The following ALDH9A1 variants were observed in gnomAD, a reference collection of about 807,000 sequenced individuals.
The protein encoded by ALDH9A1 is aldehyde dehydrogenase 9 family member A1.
ALDH9A1 carries 42 observed loss-of-function variants against 56.6 expected under a neutral mutation model. The observed-to-expected ratio is 0.74, with a 90% CI of 0.58 to 0.96. The LOEUF is 0.96. Among genes scored for constraint, ALDH9A1 ranks in the 40% least tolerant of loss-of-function variants. The pLI is 0.00. For missense variants in ALDH9A1, 661 were observed against 651.5 expected (o/e 1.01, Z -0.16); for synonymous variants, 242 against 236.0 (o/e 1.03, Z -0.23).
intron 6 of ALDH9A1, among the ~76,000 whole-genome samples, chr1:165,676,129 T>G (rs902278675): frequency 6.6e-6 from 1 of 152,182 alleles, no homozygotes; most frequent in Non-Finnish European, 1.5e-5. Flanking sequence ...ACTAGATATG[T>G]GCACAGACAT....
At chr1:165,684,587 G>A (rs1205418711) in intron 2 of ALDH9A1, among the ~76,000 whole-genome samples, 1 of 152,118 alleles carries the variant, frequency 6.6e-6, no homozygotes, top group Non-Finnish European at 1.5e-5. Flanking sequence ...TTTTCCAAAG[G>A]TATAATCAAC....
chr1:165,696,193 G>A (rs1180117863), intron 1 of ALDH9A1, among the ~76,000 whole-genome samples: 4 of 152,040 alleles, frequency 2.6e-5, no homozygotes, highest in Non-Finnish European at 4.4e-5. Context: ...GACATTAGGA[G>A]TCTGATAAAA....
intron 4 of ALDH9A1, among the ~76,000 whole-genome samples, 195 bp from the exon 5 acceptor site, chr1:165,680,878 C>G (rs2101747503): frequency 6.6e-6 from 1 of 152,258 alleles, no homozygotes; most frequent in Admixed American, 6.5e-5. Context: ...AAACTGGGAA[C>G]AGAAAGAGGC....
chr1:165,663,666 G>A (rs1185299192), intron 10 of ALDH9A1, among the ~76,000 whole-genome samples: 1 of 152,218 alleles, frequency 6.6e-6, no homozygotes, highest in Non-Finnish European at 1.5e-5. Context: ...TGAGGTTACT[G>A]TGCTAAAAGG....
chr1:165,682,029 T>C (rs1649566824), intron 4 of ALDH9A1, 78 bp downstream of exon 4: 1 of 1,554,136 alleles, frequency 6.4e-7, no homozygotes, highest in East Asian at 2.2e-5. Flanking sequence ...TATAGAGAGG[T>C]GAAAGGTAGA....
intron 6 of ALDH9A1, chr1:165,671,686 C>T (rs1379055453): frequency 6.5e-6 from 3 of 463,978 alleles, no homozygotes; most frequent in Non-Finnish European, 1.3e-5. Context: ...TCCTCTCTCC[C>T]AACTGGAAAT....
At chr1:165,674,292 T>C (rs1649273354) in intron 6 of ALDH9A1, among the ~76,000 whole-genome samples, 1 of 137,978 alleles carries the variant, frequency 7.2e-6, no homozygotes, top group Non-Finnish European at 1.5e-5. Context: ...ATTCCTTTAC[T>C]TTCTTAATAA....
At chr1:165,664,950 T>C in intron 10 of ALDH9A1, 68 bp downstream of exon 10, 1 of 1,246,234 alleles carries the variant, frequency 8.0e-7, no homozygotes, top group Non-Finnish European at 1.2e-6. Flanking sequence ...GGAATACTGG[T>C]TTATAAGGTC....
intron 2 of ALDH9A1, among the ~76,000 whole-genome samples, chr1:165,683,771 G>A (rs1015198419): frequency 2.0e-5 from 3 of 152,106 alleles, no homozygotes; most frequent in African/African-American, 7.2e-5. Flanking sequence ...AACTTACTAA[G>A]GATAAAGAAA....
At chr1:165,669,171 T>C in intron 7 of ALDH9A1, 91 bp downstream of exon 7, 4 of 1,389,416 alleles carry the variant, frequency 2.9e-6, no homozygotes, top group Middle Eastern at 3.7e-4. Context: ...ATAATAGTCA[T>C]ACGAATATTA....
Position 165,679,527 on chromosome 1 carries a change from T to G in ALDH9A1, c.845A>C (p.Lys282Thr). 6.2e-7 allele frequency: 1 copy of G among 1,614,170 alleles called. No individual in the cohort carries two copies. The highest frequency in any genetic ancestry group is 1.1e-5 in the South Asian group (1 of 91,076). ...IKPVTLELGGKSPLIIFSDCD... is the reference protein window; with the variant it reads ...IKPVTLELGGTSPLIIFSDCD... ...GTCTGAGAAGATGATGAGTGGAGAT[T>G]TGCCTCCAAGTTCCAAGGTAACAGG... The change falls in exon 6 of 11, where the codon AAA becomes ACA. Residue 282 changes from lysine (K) to threonine (T), a missense_variant. Transcript: ENST00000354775.
At chr1:165,671,424 A>G (rs2101738267) in intron 6 of ALDH9A1, 1 of 448,952 alleles carries the variant, frequency 2.2e-6, no homozygotes, top group Non-Finnish European at 4.4e-6. Flanking sequence ...TCCTTCACAA[A>G]TCGGTGGGAT....
At chr1:165,674,351 T>TTAGTA (rs1649278826) in intron 6 of ALDH9A1, among the ~76,000 whole-genome samples, 1 of 145,944 alleles carries the variant, frequency 6.9e-6, no homozygotes, top group East Asian at 2.0e-4. Context: ...AGAATGTAAG[T>TTAGTA]TAGTATAGCC....
At chr1:165,691,813 A>G (rs1420638901) in intron 2 of ALDH9A1, among the ~76,000 whole-genome samples, 1 of 152,192 alleles carries the variant, frequency 6.6e-6, no homozygotes, top group African/African-American at 2.4e-5. Context: ...TCGATGCAAA[A>G]ATCCTCAATA....
rs775982330 is a variant in ALDH9A1, at chr1:165,665,176, CT to C, written c.1350-47del. 13 of 1,501,346 alleles carry C rather than the reference CT, an allele frequency of 8.7e-6. No individual in the cohort carries two copies. The Admixed American group carries it at 2.3e-4, about 26-fold the overall frequency. The allele number at this position is 1,501,346 out of a possible 1,614,324, so 93.0% of individuals were successfully genotyped here. On this transcript the variant is annotated intron_variant, in intron 9 of 10. Coordinates refer to ENST00000354775, the MANE Select transcript of ALDH9A1 (RefSeq NM_000696.4). The stretch of plus-strand genomic sequence containing the variant: ...TGTGCATTATTGAGAGTTTCTTAGG[CT>C]ACTACTTTAACAGGAAAAGTTACAC...
intron 2 of ALDH9A1, among the ~76,000 whole-genome samples, chr1:165,688,003 G>C (rs1241333529): frequency 1.1e-5 from 1 of 90,596 alleles, no homozygotes; most frequent in Non-Finnish European, 2.2e-5. Flanking sequence ...AAAAGAGAAA[G>C]AAAAGAAAAG....
chr1:165,692,976 A>G (rs1301695196), intron 2 of ALDH9A1, among the ~76,000 whole-genome samples: 3 of 151,922 alleles, frequency 2.0e-5, no homozygotes, highest in African/African-American at 7.3e-5. Flanking sequence ...AGGATTCCCT[A>G]TTTAATAAAT....
intron 6 of ALDH9A1, among the ~76,000 whole-genome samples, chr1:165,678,231 G>A (rs1373731975): frequency 6.6e-6 from 1 of 151,442 alleles, no homozygotes; most frequent in Non-Finnish European, 1.5e-5. Flanking sequence ...CTACTCAGGA[G>A]GCTGAGGCGG....
At chr1:165,669,500 A>G in intron 6 of ALDH9A1, 50 bp from the exon 7 acceptor site, 2 of 1,466,668 alleles carry the variant, frequency 1.4e-6, no homozygotes, top group Non-Finnish European at 9.1e-7. Flanking sequence ...AGGAGAAAAA[A>G]GGGAAAAGGA....
Sources: gnomAD v4.1 joint callset for allele counts (sites outside exome capture counted in the v4.1 genomes callset) on GRCh38, gnomAD v4.1.1 for gene constraint, MANE v1.5 for transcripts, NCBI Gene and HGNC (gene_info 2026-07-23, HGNC 2026-07-21) for gene names.